PARN: variants seen among roughly 807,000 people sequenced by gnomAD.
PARN encodes poly(A)-specific ribonuclease PARN.
PARN carries 71 observed loss-of-function variants against 102.8 expected under a neutral mutation model. That is an observed-to-expected ratio of 0.69 (90% CI 0.57 to 0.84). The LOEUF is 0.84. Ranked by LOEUF, PARN falls within the 40% of genes least tolerant of loss-of-function variation. PARN has a pLI of 0.00. For synonymous variants in PARN, 261 were observed against 252.9 expected (o/e 1.03, Z -0.30); for missense variants, 782 against 760.9 (o/e 1.03, Z -0.33).
intron 21 of PARN, among the ~76,000 whole-genome samples, chr16:14,537,685 A>C (rs1966668117): frequency 6.6e-6 from 1 of 152,204 alleles, no homozygotes; most frequent in African/African-American, 2.4e-5. Flanking sequence ...GCAGGCATAG[A>C]AAGGCAAATG....
intron 13 of PARN, among the ~76,000 whole-genome samples, chr16:14,586,990 G>C (rs1429641889): frequency 6.6e-6 from 1 of 152,206 alleles, no homozygotes; most frequent in Middle Eastern, 3.2e-3. Context: ...AGGAAGTCTA[G>C]AGCTGAAATG....
chr16:14,478,143 C>T (rs573504704), intron 22 of PARN, among the ~76,000 whole-genome samples: 1 of 152,106 alleles, frequency 6.6e-6, no homozygotes, highest in South Asian at 2.1e-4. Flanking sequence ...TAGTGAGACT[C>T]TTGTCTCTAC....
At chr16:14,597,080 C>T (rs1211260281) in intron 12 of PARN, among the ~76,000 whole-genome samples, 1 of 152,084 alleles carries the variant, frequency 6.6e-6, no homozygotes, top group African/African-American at 2.4e-5. Flanking sequence ...AGCCACCATG[C>T]CCAGCCCATT....
intron 22 of PARN, among the ~76,000 whole-genome samples, chr16:14,455,187 T>C (rs1373657332): frequency 1.3e-5 from 2 of 152,250 alleles, no homozygotes; most frequent in Admixed American, 1.3e-4. Context: ...TCTTTCATTT[T>C]ATGCTGAACA....
At chr16:14,478,799 G>A (rs1356823692) in intron 22 of PARN, among the ~76,000 whole-genome samples, 1 of 151,542 alleles carries the variant, frequency 6.6e-6, no homozygotes, top group East Asian at 1.9e-4. Context: ...TCTTTTTTTT[G>A]AGATGAAGTC....
chr16:14,608,752 GAAGCCTTCACGTATT>G (rs1329931700), intron 8 of PARN, among the ~76,000 whole-genome samples: 1 of 152,162 alleles, frequency 6.6e-6, no homozygotes, highest in Non-Finnish European at 1.5e-5. Context: ...TCTTTCTTCT[GAAGCCTTCACGTATT>G]AAGCGCGCCT....
intron 5 of PARN, among the ~76,000 whole-genome samples, chr16:14,624,770 T>C (rs1230548135): frequency 6.7e-6 from 1 of 149,382 alleles, no homozygotes; most frequent in Non-Finnish European, 1.5e-5. Context: ...AATATAAAAT[T>C]AGCCGGTGTG....
intron 21 of PARN, among the ~76,000 whole-genome samples, chr16:14,531,896 CT>C (rs140038314): frequency 0.17 from 24,345 of 142,716 alleles, 2,284 homozygotes; most frequent in Middle Eastern, 0.28. Flanking sequence ...GATCCCATTT[CT>C]TTAAAAAAAA....
chr16:14,553,907 G>A (rs1470633181), intron 20 of PARN, among the ~76,000 whole-genome samples, 158 bp downstream of exon 20: 4 of 152,184 alleles, frequency 2.6e-5, no homozygotes, highest in African/African-American at 4.8e-5. Context: ...TTAGCACAAA[G>A]ATAACAGTAT....
rs1035446181 is a variant in PARN at position 14,446,894 on chromosome 16, G to C, written c.1858C>G (p.Pro620Ala). 2 of 1,611,782 alleles carry C rather than the reference G, an allele frequency of 1.2e-6. No homozygotes were observed. Among genetic ancestry groups the C allele is most frequent in the Middle Eastern group, 1.7e-4 (1 of 6,042 alleles). ...KLKRMKKELS[P>A]AGSISKNSPA... ...GGCAAGATCCAATACAAACCTGCTG[G>C]AGAAAGCTCCTTCTTCATTCTTTTT... is the stretch of plus-strand genomic sequence containing the variant. Residue 620 changes from proline (P) to alanine (A), a missense_variant, in exon 23 of 24, where the codon CCA (proline) becomes GCA (alanine). Pro to Ala is a conservative substitution (Grantham distance 27, BLOSUM62 -1). Transcript: ENST00000437198.
At chr16:14,494,865 G>A (rs1349529316) in intron 21 of PARN, among the ~76,000 whole-genome samples, 1 of 152,178 alleles carries the variant, frequency 6.6e-6, no homozygotes, top group Non-Finnish European at 1.5e-5. Flanking sequence ...GCAGGGTTGT[G>A]CCATCTGGGA....
intron 21 of PARN, among the ~76,000 whole-genome samples, chr16:14,512,666 T>A (rs1016805289): frequency 2.0e-5 from 3 of 152,146 alleles, no homozygotes; most frequent in South Asian, 2.1e-4. Context: ...CTCAGAAACC[T>A]TTGATAAGAA....
chr16:14,475,842 C>T (rs925128623), intron 22 of PARN, among the ~76,000 whole-genome samples: 1 of 152,098 alleles, frequency 6.6e-6, no homozygotes, highest in African/African-American at 2.4e-5. Context: ...ACTTTAATCC[C>T]TTATTTTATT....
At chr16:14,478,208 C>A (rs1355173039) in intron 22 of PARN, among the ~76,000 whole-genome samples, 1 of 152,060 alleles carries the variant, frequency 6.6e-6, no homozygotes, top group Non-Finnish European at 1.5e-5. Context: ...CCCAGCTACT[C>A]AGGAGGCTGA....
chr16:14,459,626 CA>C (rs1699829764), intron 22 of PARN, among the ~76,000 whole-genome samples: 1 of 152,128 alleles, frequency 6.6e-6, no homozygotes, highest in African/African-American at 2.4e-5. Context: ...CAATTCCAAT[CA>C]AAGAGCTAGC....
chr16:14,523,881 G>A (rs1370862494), intron 21 of PARN, among the ~76,000 whole-genome samples: 2 of 151,964 alleles, frequency 1.3e-5, no homozygotes, highest in Non-Finnish European at 2.9e-5. Context: ...ACCATAGGGA[G>A]CACTTATACT....
intron 12 of PARN, 110 bp from the exon 13 acceptor site, chr16:14,593,488 G>C: frequency 9.4e-4 from 51 of 54,050 alleles, no homozygotes; most frequent in East Asian, 4.2e-3. Context: ...TCGCTTTCCA[G>C]ACTTAAAAAA....
chr16:14,598,126 G>C (rs1398657425), intron 12 of PARN, among the ~76,000 whole-genome samples: 1 of 151,938 alleles, frequency 6.6e-6, no homozygotes, highest in African/African-American at 2.4e-5. Flanking sequence ...CAGGACAACA[G>C]AGCGAGACTC....
At chr16:14,482,420 A>G (rs929481471) in intron 22 of PARN, among the ~76,000 whole-genome samples, 1 of 152,194 alleles carries the variant, frequency 6.6e-6, no homozygotes, top group Non-Finnish European at 1.5e-5. Context: ...TGTCTACCTC[A>G]AAGAGGTTTT....
Sources: allele counts gnomAD v4.1 joint callset (sites outside exome capture counted in the v4.1 genomes callset), GRCh38; gene constraint gnomAD v4.1.1; transcripts MANE v1.5; gene names NCBI Gene and HGNC (gene_info 2026-07-23, HGNC 2026-07-21).